The following CEP135 variants were observed in gnomAD, a reference collection of about 807,000 sequenced individuals.
CEP135 encodes the protein centrosomal protein 135.
Under a neutral mutation model 157.3 loss-of-function variants are expected in CEP135, and 142 were observed. That is an observed-to-expected ratio of 0.90 (90% CI 0.79 to 1.04). The LOEUF (loss-of-function observed/expected upper bound fraction) is 1.04, where lower values mean the gene tolerates loss of function less well. Ranked by LOEUF, CEP135 falls within the 50% of genes least tolerant of loss-of-function variation. The pLI, the probability that CEP135 is intolerant of heterozygous loss-of-function variation, is 0.00. For synonymous variants in CEP135, 396 were observed against 439.8 expected (o/e 0.90, Z 1.25); for missense variants, 1,317 against 1,309.2 (o/e 1.01, Z -0.09).
chr4:55,951,416 A>G (rs1052702790), intron 1 of CEP135, among the ~76,000 whole-genome samples: 1 of 152,130 alleles, frequency 6.6e-6, no homozygotes, highest in African/African-American at 2.4e-5. Flanking sequence ...CGGTCCTTGT[A>G]ATTTTAGTCA....
At chr4:55,966,035 A>T (rs900021613) in intron 8 of CEP135, 176 bp downstream of exon 8, 7 of 566,522 alleles carry the variant, frequency 1.2e-5, no homozygotes, top group Non-Finnish European at 1.9e-5. Flanking sequence ...CCTGTAAATG[A>T]TTGTAGTTGT....
At chr4:55,961,887 G>A (rs1290312641) in intron 6 of CEP135, among the ~76,000 whole-genome samples, 1 of 151,578 alleles carries the variant, frequency 6.6e-6, no homozygotes, top group African/African-American at 2.4e-5. Context: ...AAGACTTGGT[G>A]GGCAGGGTAT....
At chr4:56,027,951 C>G (rs1469235649) in intron 25 of CEP135, among the ~76,000 whole-genome samples, 1 of 152,242 alleles carries the variant, frequency 6.6e-6, no homozygotes, top group South Asian at 2.1e-4. Flanking sequence ...CTTCCCAGCT[C>G]CTAGTAACTT....
chr4:55,972,206 C>T (rs1729051102), intron 10 of CEP135, among the ~76,000 whole-genome samples: 1 of 152,140 alleles, frequency 6.6e-6, no homozygotes, highest in Admixed American at 6.5e-5. Flanking sequence ...TGAATCACCT[C>T]CTGTGTGGGT....
At chr4:56,015,982 G>A (rs945377971) in intron 21 of CEP135, among the ~76,000 whole-genome samples, 10 of 152,218 alleles carry the variant, frequency 6.6e-5, no homozygotes, top group African/African-American at 2.4e-4. Flanking sequence ...TTTGGAAACA[G>A]GGTTTTTGCA....
At chr4:56,010,185 C>G (rs945603171) in intron 19 of CEP135, among the ~76,000 whole-genome samples, 1 of 111,844 alleles carries the variant, frequency 8.9e-6, no homozygotes, top group Non-Finnish European at 1.9e-5. Context: ...ACCCCCCCCC[C>G]ACCCCCATCT....
At chr4:55,991,262 A>G (rs1191306712) in intron 14 of CEP135, among the ~76,000 whole-genome samples, 2 of 150,570 alleles carry the variant, frequency 1.3e-5, no homozygotes, top group African/African-American at 4.9e-5. Flanking sequence ...GTTTGTTTTG[A>G]TATCTCATAA....
At chr4:56,012,807 T>C (rs1239030536) in intron 21 of CEP135, among the ~76,000 whole-genome samples, 1 of 152,242 alleles carries the variant, frequency 6.6e-6, no homozygotes, top group Admixed American at 6.5e-5. Flanking sequence ...GGACATTTGA[T>C]TTGTTTCTAC....
Position 55,964,320 on chromosome 4 carries a change from A to G in CEP135, c.746A>G (p.Asp249Gly), listed in dbSNP as rs1424159331. Residue 249 changes from aspartate (D) to glycine (G), a missense_variant, in exon 7 of 26, where the codon GAT (aspartate) becomes GGT (glycine). Coordinates refer to ENST00000257287, the MANE Select transcript of CEP135 (RefSeq NM_025009.5). ...ATAGAACGACTGTCAGTTGCTTTGG[A>G]TGGTGGTCGGTCCCCTGATGTCCTT... ...REIERLSVAL[D>G]GGRSPDVLSL... 6.2e-7 allele frequency: 1 copy of G among 1,613,506 alleles called. No individual in the cohort carries two copies. Among genetic ancestry groups the G allele is most frequent in the South Asian group, 1.1e-5 (1 of 91,008 alleles).
intron 17 of CEP135, among the ~76,000 whole-genome samples, chr4:56,007,757 G>T (rs1464537239): frequency 1.3e-5 from 2 of 152,002 alleles, no homozygotes; most frequent in East Asian, 3.9e-4. Context: ...TGAGAGAAGG[G>T]GCATCACAGG....
chr4:55,982,473 G>A (rs1729444818), intron 13 of CEP135, among the ~76,000 whole-genome samples: 1 of 152,100 alleles, frequency 6.6e-6, no homozygotes, highest in Admixed American at 6.5e-5. Flanking sequence ...CATTCTGGTG[G>A]GTGTGAAATG....
At chr4:55,984,805 T>G (rs570141350) in intron 13 of CEP135, among the ~76,000 whole-genome samples, 3 of 152,344 alleles carry the variant, frequency 2.0e-5, no homozygotes, top group Non-Finnish European at 4.4e-5. Flanking sequence ...AGTCCCTGTG[T>G]TTATACTGTT....
In CEP135 at chr4:55,999,418, G is replaced by A; in HGVS notation, c.2125+1G>A. 6.2e-7 allele frequency: 1 copy of A among 1,613,100 alleles called. No individual in the cohort carries two copies. The highest frequency in any genetic ancestry group is 8.5e-7 in the Non-Finnish European group (1 of 1,179,702). On this transcript the variant is annotated splice_donor_variant, in intron 16 of 25. Coordinates refer to ENST00000257287, the MANE Select transcript of CEP135 (RefSeq NM_025009.5). LOFTEE classifies it high-confidence loss of function. ...ATTAAAATACTGGAGGAAAAGATAG[G>A]TAAATGTTTTAAAATTTTGTTTCTG...
chr4:55,992,086 G>A lies in CEP135; in HGVS notation c.2009+1G>A. 1.9e-6 allele frequency: 3 copies of A among 1,588,840 alleles called. No individual in the cohort carries two copies. The highest frequency in any genetic ancestry group is 2.6e-6 in the Non-Finnish European group (3 of 1,173,630). On this transcript the variant is annotated splice_donor_variant, in intron 15 of 25. Transcript: ENST00000257287. LOFTEE classifies it high-confidence loss of function. ...AGAAAACAGAGGTGAACTCACTTAG[G>A]TAAGTTTATTCAAAATTTTCTAATT...
At chr4:56,004,099 A>C (rs777030901) in intron 17 of CEP135, among the ~76,000 whole-genome samples, 14 of 152,150 alleles carry the variant, frequency 9.2e-5, no homozygotes, top group Non-Finnish European at 1.8e-4. Context: ...AGATTTTGGT[A>C]CATTATATTT....
intron 22 of CEP135, 33 bp from the exon 23 acceptor site, chr4:56,019,320 T>A (rs371991528): frequency 3.3e-5 from 51 of 1,533,356 alleles, no homozygotes; most frequent in Non-Finnish European, 4.5e-5. Context: ...TTTAAAATTG[T>A]ACTGAAGTAA....
chr4:55,978,029 CAT>C (rs1396155083), intron 11 of CEP135, among the ~76,000 whole-genome samples: 1 of 152,128 alleles, frequency 6.6e-6, no homozygotes, highest in Non-Finnish European at 1.5e-5. Flanking sequence ...TGTGCATGTG[CAT>C]GTGTGTGTTT....
intron 11 of CEP135, among the ~76,000 whole-genome samples, chr4:55,975,989 C>T (rs2109676452): frequency 6.6e-6 from 1 of 152,182 alleles, no homozygotes; most frequent in South Asian, 2.1e-4. Flanking sequence ...TGGTGTGGCT[C>T]CTGTAATTCC....
intron 4 of CEP135, among the ~76,000 whole-genome samples, chr4:55,956,169 T>G (rs1728497319): frequency 6.6e-6 from 1 of 150,652 alleles, no homozygotes; most frequent in Admixed American, 6.6e-5. Context: ...TTGGCCCAGT[T>G]TTCTTATCCT....
Sources: allele counts gnomAD v4.1 joint callset (sites outside exome capture counted in the v4.1 genomes callset), GRCh38; gene constraint gnomAD v4.1.1; transcripts MANE v1.5; gene names NCBI Gene and HGNC (gene_info 2026-07-23, HGNC 2026-07-21).